The following OTUD7A variants were observed in gnomAD, a reference collection of about 807,000 sequenced individuals.
OTUD7A encodes the protein OTU deubiquitinase 7A.
In OTUD7A, 12 loss-of-function variants were observed where a neutral mutation model predicts 65.7. That is an observed-to-expected ratio of 0.18 (90% CI 0.12 to 0.30). The LOEUF (loss-of-function observed/expected upper bound fraction) is 0.30. Ranked by LOEUF, OTUD7A falls within the 10% of genes least tolerant of loss-of-function variation. OTUD7A has a pLI of 1.00. For missense variants in OTUD7A, 1,148 were observed against 1,304.8 expected (o/e 0.88, Z 1.85); for synonymous variants, 641 against 586.3 (o/e 1.09, Z -1.35).
At chr15:31,659,688 A>C (rs1892103016) in intron 1 of OTUD7A, among the ~76,000 whole-genome samples, 1 of 152,138 alleles carries the variant, frequency 6.6e-6, no homozygotes, top group African/African-American at 2.4e-5. Flanking sequence ...GGTGGTTGGG[A>C]GGCAGCCCAG....
intron 1 of OTUD7A, among the ~76,000 whole-genome samples, chr15:31,802,141 G>GTGTGTATATA (rs553698632): frequency 4.1e-4 from 58 of 142,578 alleles, no homozygotes; most frequent in South Asian, 7.0e-4. Context: ...GTGTGTGTGT[G>GTGTGTATATA]TATATATATA....
chr15:31,512,472 A>G (rs1425307562), intron 8 of OTUD7A, among the ~76,000 whole-genome samples: 1 of 152,036 alleles, frequency 6.6e-6, no homozygotes, highest in Non-Finnish European at 1.5e-5. Flanking sequence ...GCCATTTTTT[A>G]TTTTCTGTAG....
chr15:31,629,681 C>T (rs1891079894), intron 3 of OTUD7A, among the ~76,000 whole-genome samples: 1 of 152,078 alleles, frequency 6.6e-6, no homozygotes, highest in African/African-American at 2.4e-5. Context: ...CCAGCTCCTC[C>T]TTTTACCTCT....
chr15:31,492,237 A>C (rs1469809278), intron 10 of OTUD7A, among the ~76,000 whole-genome samples: 1 of 152,242 alleles, frequency 6.6e-6, no homozygotes, highest in Non-Finnish European at 1.5e-5. Flanking sequence ...CACTGTTGTA[A>C]TATCCTTATA....
chr15:31,832,532 T>C lies in OTUD7A; in HGVS notation c.-100+37975A>G, dbSNP rs1035925056. Among the ~76,000 whole-genome samples the C allele has an allele frequency of 9.2e-5, 14 of 152,356 alleles. No homozygotes were observed. The South Asian group carries it at 1.0e-3, about 11-fold the overall frequency. On this transcript the variant is annotated intron_variant, in intron 1 of 12. Coordinates refer to ENST00000307050, the MANE Select transcript of OTUD7A (RefSeq NM_001382637.1). ...TAAGGCATTAAGTATATTCACACTGTTGTACAACCATCAACAGAACTGTTT... is the reference window on the plus strand; with the variant it reads ...TAAGGCATTAAGTATATTCACACTGCTGTACAACCATCAACAGAACTGTTT...
At chr15:31,819,293 A>C (rs1255189042) in intron 1 of OTUD7A, among the ~76,000 whole-genome samples, 1 of 152,192 alleles carries the variant, frequency 6.6e-6, no homozygotes, top group African/African-American at 2.4e-5. Flanking sequence ...CTAAAAACTA[A>C]GAATATGACA....
At chr15:31,788,071 T>G (rs554020064) in intron 1 of OTUD7A, among the ~76,000 whole-genome samples, 18 of 152,348 alleles carry the variant, frequency 1.2e-4, no homozygotes, top group African/African-American at 4.3e-4. Flanking sequence ...AATTAATTTT[T>G]GAGTAACTGG....
rs142213965 is a variant in OTUD7A, at chr15:31,580,535, TA to T, written c.152-10339del. 1.8e-3 allele frequency among the ~76,000 whole-genome samples: 270 copies of T among 152,362 alleles called. 1 individual carries two copies. The highest frequency in any genetic ancestry group is 6.2e-3 in the African/African-American group (259 of 41,590). On this transcript the variant is annotated intron_variant, in intron 3 of 12. Coordinates refer to ENST00000307050, the MANE Select transcript of OTUD7A (RefSeq NM_001382637.1). ...TATTAGTCTGTTCTCATGCTGCTAG[TA>T]AAGACATACCAAAGGCTGTCTAATT...
chr15:31,766,613 A>G, intron 1 of OTUD7A: 1 of 1,608,306 alleles, frequency 6.2e-7, no homozygotes, highest in East Asian at 2.2e-5. Flanking sequence ...TATTGATAAT[A>G]ACTATTCCTT....
At chr15:31,785,849 A>T (rs1255772149) in intron 1 of OTUD7A, among the ~76,000 whole-genome samples, 2 of 152,200 alleles carry the variant, frequency 1.3e-5, no homozygotes, top group South Asian at 4.1e-4. Flanking sequence ...CAGAGAATTA[A>T]ATAGTACATG....
At chr15:31,616,613 T>C (rs1279647695) in intron 3 of OTUD7A, among the ~76,000 whole-genome samples, 5 of 152,168 alleles carry the variant, frequency 3.3e-5, no homozygotes, top group Non-Finnish European at 5.9e-5. Context: ...GGCGCAATCT[T>C]GGCTCACTGA....
intron 1 of OTUD7A, among the ~76,000 whole-genome samples, chr15:31,707,686 TTC>T (rs1893339530): frequency 7.8e-6 from 1 of 128,756 alleles, no homozygotes; most frequent in Non-Finnish European, 1.6e-5. Context: ...CTTACTATTC[TTC>T]TTGAAGAATT....
At chr15:31,622,103 C>T (rs1168225579) in intron 3 of OTUD7A, among the ~76,000 whole-genome samples, 1 of 152,242 alleles carries the variant, frequency 6.6e-6, no homozygotes, top group Non-Finnish European at 1.5e-5. Context: ...CCACTCTCTT[C>T]TGGCTTGTGG....
intron 8 of OTUD7A, among the ~76,000 whole-genome samples, chr15:31,507,333 T>TG (rs1158022529): frequency 1.3e-5 from 2 of 152,106 alleles, no homozygotes; most frequent in Admixed American, 1.3e-4. Context: ...ATGAAATAGA[T>TG]GAAGGGTTTT....
intron 1 of OTUD7A, among the ~76,000 whole-genome samples, chr15:31,833,197 G>T (rs1896977411): frequency 6.6e-6 from 1 of 152,216 alleles, no homozygotes; most frequent in East Asian, 1.9e-4. Context: ...TTATTTCCAA[G>T]ATGATTTCCC....
At chr15:31,572,382 C>G (rs1052495409) in intron 3 of OTUD7A, among the ~76,000 whole-genome samples, 1 of 152,198 alleles carries the variant, frequency 6.6e-6, no homozygotes, top group African/African-American at 2.4e-5. Context: ...ACTGAGGAAG[C>G]TTCCTGTGAA....
chr15:31,797,393 T>C (rs554095731), intron 1 of OTUD7A, among the ~76,000 whole-genome samples: 61 of 152,316 alleles, frequency 4.0e-4, no homozygotes, highest in African/African-American at 1.4e-3. Flanking sequence ...GTGAAGGGAA[T>C]GTAGACTGGC....
chr15:31,683,268 TC>T, intron 1 of OTUD7A, among the ~76,000 whole-genome samples: 1 of 152,154 alleles, frequency 6.6e-6, no homozygotes, highest in East Asian at 1.9e-4. Flanking sequence ...GAAATAAATA[TC>T]TGTCATCATG....
intron 1 of OTUD7A, among the ~76,000 whole-genome samples, chr15:31,722,494 G>A (rs1022055140): frequency 6.6e-6 from 1 of 152,234 alleles, no homozygotes; most frequent in Non-Finnish European, 1.5e-5. Flanking sequence ...ACTCCTGAAT[G>A]CACTGCCAGT....
Sources: allele counts gnomAD v4.1 joint callset (sites outside exome capture counted in the v4.1 genomes callset), GRCh38; gene constraint gnomAD v4.1.1; transcripts MANE v1.5; gene names NCBI Gene and HGNC (gene_info 2026-07-23, HGNC 2026-07-21).